GCNT2: variants seen among roughly 807,000 people sequenced by gnomAD.
GCNT2 encodes the protein glucosaminyl (N-acetyl) transferase 2 (I blood group), also known as N-acetyllactosaminide beta-1,6-N-acetylglucosaminyl-transferase.
Under a neutral mutation model 34.2 loss-of-function variants are expected in GCNT2, and 34 were observed. That is an observed-to-expected ratio of 1.00 (90% confidence interval 0.76 to 1.32). The LOEUF (loss-of-function observed/expected upper bound fraction) is 1.32. Among genes scored for constraint, GCNT2 ranks in the 40% most tolerant of loss-of-function variants. The pLI, the probability that GCNT2 is intolerant of heterozygous loss-of-function variation, is 0.00. For synonymous variants in GCNT2, 212 were observed against 188.0 expected (o/e 1.13, Z -1.04); for missense variants, 584 against 489.4 (o/e 1.19, Z -1.82).
At chr6:10,600,432 C>T (rs1765044589) in intron 3 of GCNT2, among the ~76,000 whole-genome samples, 1 of 152,178 alleles carries the variant, frequency 6.6e-6, no homozygotes, top group African/African-American at 2.4e-5. Flanking sequence ...AGTTCACTCT[C>T]TTTAGTGTGC....
intron 3 of GCNT2, among the ~76,000 whole-genome samples, chr6:10,590,769 G>C: frequency 6.6e-6 from 1 of 152,090 alleles, no homozygotes; most frequent in Non-Finnish European, 1.5e-5. Context: ...GACCAAGATG[G>C]TCTCGATCTC....
At position 10,621,410 on chromosome 6, in the gene GCNT2, A is replaced by G. The variant is rs200302046; in HGVS notation, c.985A>G (p.Ser329Gly). ...WTGNLRAIKW[S>G]DMEDRHGGCH... ...TGGAAACCTCAGAGCTATAAAGTGG[A>G]GTGACATGGAAGACAGACACGGAGG... The change falls in exon 4 of 5, where the codon AGT (serine) becomes GGT (glycine). Residue 329 changes from serine to glycine, a missense_variant. Ser to Gly is a moderately conservative substitution (Grantham distance 56). Transcript: ENST00000495262. 293 of 1,613,486 alleles carry G rather than the reference A, an allele frequency of 1.8e-4. 1 individual carries two copies. The highest frequency in any genetic ancestry group is 1.9e-5 in the Non-Finnish European group (22 of 1,179,480).
chr6:10,547,006 C>T (rs1310949748), intron 3 of GCNT2, among the ~76,000 whole-genome samples: 2 of 151,890 alleles, frequency 1.3e-5, no homozygotes, highest in Admixed American at 1.3e-4. Context: ...GAAATTATTG[C>T]CATCCTGAGA....
At chr6:10,613,949 C>T (rs1241316547) in intron 3 of GCNT2, among the ~76,000 whole-genome samples, 3 of 152,154 alleles carry the variant, frequency 2.0e-5, no homozygotes, top group African/African-American at 7.2e-5. Flanking sequence ...GGATCAGTCT[C>T]TGGCAGCAGG....
intron 3 of GCNT2, among the ~76,000 whole-genome samples, chr6:10,620,218 T>C (rs1765973168): frequency 6.6e-6 from 1 of 152,148 alleles, no homozygotes; most frequent in East Asian, 1.9e-4. Flanking sequence ...ATATATCTTA[T>C]CAGTAATTAA....
intron 3 of GCNT2, among the ~76,000 whole-genome samples, chr6:10,552,101 G>A (rs1356052597): frequency 6.6e-6 from 1 of 152,114 alleles, no homozygotes; most frequent in African/African-American, 2.4e-5. Flanking sequence ...CTGTGATCTA[G>A]ACAACAATTT....
In GCNT2 at chr6:10,574,960, T is replaced by G. The variant is rs1763736288; in HGVS notation, c.925+45124T>G. ...GTGCTTAATGTGCTCAATACACACA[T>G]TAATTCTCTTGGCAAGAATCTTGCC... is the stretch of plus-strand genomic sequence containing the variant. On this transcript the variant is annotated intron_variant, in intron 3 of 4. Transcript: ENST00000495262. The G allele has an allele frequency of 1.4e-5, 10 of 722,134 alleles. No homozygotes were observed. In the East Asian group the frequency reaches 2.6e-4, roughly 19 times the overall value. The allele number at this position is 722,134 out of a possible 1,614,324, so 44.7% of individuals were successfully genotyped here.
At chr6:10,612,829 A>G (rs1202883189) in intron 3 of GCNT2, among the ~76,000 whole-genome samples, 1 of 152,220 alleles carries the variant, frequency 6.6e-6, no homozygotes, top group East Asian at 1.9e-4. Context: ...CATAATGAAC[A>G]TCTTCATATA....
At chr6:10,537,727 CAAAACAAAG>C (rs1350190783) in intron 3 of GCNT2, among the ~76,000 whole-genome samples, 3 of 97,012 alleles carry the variant, frequency 3.1e-5, no homozygotes, top group African/African-American at 8.3e-5. Flanking sequence ...AAAAAAAAAA[CAAAACAAAG>C]AAAACGAAAG....
intron 3 of GCNT2, among the ~76,000 whole-genome samples, chr6:10,531,218 T>C (rs1328172483): frequency 2.6e-5 from 4 of 152,198 alleles, no homozygotes; most frequent in Admixed American, 2.0e-4. Flanking sequence ...GTCTCAATTG[T>C]TGCTAAATCA....
At chr6:10,539,175 C>A (rs1012737781) in intron 3 of GCNT2, among the ~76,000 whole-genome samples, 3 of 91,876 alleles carry the variant, frequency 3.3e-5, no homozygotes, top group Non-Finnish European at 7.7e-5. Flanking sequence ...TACAGCTCAC[C>A]GTCTCTTTTT....
intron 3 of GCNT2, among the ~76,000 whole-genome samples, chr6:10,549,782 A>G (rs941660607): frequency 6.6e-6 from 1 of 151,998 alleles, no homozygotes; most frequent in Non-Finnish European, 1.5e-5. Context: ...AGCAGTGTTT[A>G]TTGTTAAATA....
At chr6:10,563,510 G>C (rs115791114) in intron 3 of GCNT2, among the ~76,000 whole-genome samples, 6,677 of 152,034 alleles carry the variant, frequency 0.044, 512 homozygotes, top group African/African-American at 0.15. Context: ...GGGAGGCTGA[G>C]GCCTGTGGAT....
At chr6:10,571,973 C>A (rs1763573235) in intron 3 of GCNT2, among the ~76,000 whole-genome samples, 1 of 152,150 alleles carries the variant, frequency 6.6e-6, no homozygotes, top group African/African-American at 2.4e-5. Context: ...TGTCCCTAAT[C>A]AGTAATACCT....
intron 3 of GCNT2, among the ~76,000 whole-genome samples, chr6:10,580,451 A>G (rs1179370793): frequency 6.6e-6 from 1 of 152,114 alleles, no homozygotes; most frequent in Non-Finnish European, 1.5e-5. Flanking sequence ...ACAATGTGTG[A>G]TGATTATTTT....
chr6:10,619,984 T>G (rs9466985), intron 3 of GCNT2, among the ~76,000 whole-genome samples: 1 of 152,184 alleles, frequency 6.6e-6, no homozygotes, highest in Non-Finnish European at 1.5e-5. Flanking sequence ...TTCTGTTTCC[T>G]TCTTCCAATG....
At chr6:10,557,072 G>T (rs758926587) in intron 3 of GCNT2, 3 of 1,600,382 alleles carry the variant, frequency 1.9e-6, no homozygotes, top group Non-Finnish European at 2.6e-6. Flanking sequence ...CACCCCAGGG[G>T]TGCTGCCCCC....
chr6:10,593,686 CAAT>C (rs1764736900), intron 3 of GCNT2, among the ~76,000 whole-genome samples: 1 of 152,032 alleles, frequency 6.6e-6, no homozygotes, highest in Non-Finnish European at 1.5e-5. Context: ...CTTCTAAAAA[CAAT>C]AAAATATTAG....
intron 4 of GCNT2, among the ~76,000 whole-genome samples, chr6:10,624,531 A>C (rs944991436): frequency 2.6e-5 from 4 of 152,180 alleles, no homozygotes; most frequent in African/African-American, 9.7e-5. Context: ...CATGGGAATT[A>C]TGGGAGCTGC....
Sources: gnomAD v4.1 joint callset for allele counts (sites outside exome capture counted in the v4.1 genomes callset) on GRCh38, gnomAD v4.1.1 for gene constraint, MANE v1.5 for transcripts, NCBI Gene and HGNC (gene_info 2026-07-23, HGNC 2026-07-21) for gene names.